The following VEZT variants were observed in gnomAD, a reference collection of about 807,000 sequenced individuals.
VEZT encodes vezatin, adherens junctions transmembrane protein.
A neutral mutation model predicts 79.9 loss-of-function variants in VEZT; 39 were observed. The ratio of observed to expected loss-of-function variants is 0.49; its 90% CI spans 0.38 to 0.64. VEZT has a LOEUF of 0.64. Ranked by LOEUF, VEZT falls within the 30% of genes least tolerant of loss-of-function variation. The pLI is 0.00. For missense variants in VEZT, 837 were observed against 893.1 expected, an observed-to-expected ratio of 0.94 and a Z score of 0.80; for synonymous variants, 325 against 327.6, an observed-to-expected ratio of 0.99 and a Z score of 0.09.
intron 1 of VEZT, among the ~76,000 whole-genome samples, chr12:95,231,141 C>T (rs151105007): frequency 5.7e-4 from 86 of 152,180 alleles, no homozygotes; most frequent in African/African-American, 1.8e-3. Context: ...AGGATTTCAG[C>T]GGAAAATATT....
intron 10 of VEZT, among the ~76,000 whole-genome samples, chr12:95,294,745 G>A (rs2073773318): frequency 6.6e-6 from 1 of 152,010 alleles, no homozygotes; most frequent in African/African-American, 2.4e-5. Context: ...TTTAATGATC[G>A]CATTGGATAT....
chr12:95,252,897 G>A (rs531830688), intron 2 of VEZT, among the ~76,000 whole-genome samples: 18 of 152,292 alleles, frequency 1.2e-4, no homozygotes, highest in South Asian at 4.1e-4. Flanking sequence ...CCTGAGAGGC[G>A]GAGGTGGCAG....
intron 2 of VEZT, 44 bp from the exon 3 acceptor site, chr12:95,257,106 G>A (rs1329597808): frequency 6.8e-7 from 1 of 1,474,548 alleles, no homozygotes; most frequent in Non-Finnish European, 9.2e-7. Flanking sequence ...TGCTGTTTGG[G>A]TATGCTTTTA....
chr12:95,234,445 A>ACCC (rs1307080008), intron 1 of VEZT, among the ~76,000 whole-genome samples: 1 of 150,956 alleles, frequency 6.6e-6, no homozygotes, highest in Non-Finnish European at 1.5e-5. Flanking sequence ...ATGCGCCACC[A>ACCC]CCCCCGGCTA....
intron 6 of VEZT, among the ~76,000 whole-genome samples, chr12:95,272,697 A>G (rs1056867680): frequency 6.6e-6 from 1 of 152,240 alleles, no homozygotes; most frequent in Admixed American, 6.5e-5. Context: ...CATTAAAATA[A>G]CTGTAAGGGG....
chr12:95,228,719 T>C (rs1383952847), intron 1 of VEZT, among the ~76,000 whole-genome samples: 3 of 152,154 alleles, frequency 2.0e-5, no homozygotes, highest in Non-Finnish European at 4.4e-5. Flanking sequence ...TAAGACCAAG[T>C]CTAGCCAGAT....
chr12:95,257,715 C>A (rs113968081), intron 3 of VEZT, among the ~76,000 whole-genome samples: 23 of 152,214 alleles, frequency 1.5e-4, no homozygotes, highest in Middle Eastern at 3.4e-3. Flanking sequence ...AATACAAAAT[C>A]CAGGGAGTAT....
intron 2 of VEZT, 150 bp downstream of exon 2, chr12:95,252,221 A>G (rs2062722057): frequency 5.5e-6 from 4 of 724,660 alleles, no homozygotes; most frequent in Non-Finnish European, 8.1e-6. Context: ...TTAGATAAAC[A>G]TGAATCCTTA....
chr12:95,282,373 C>T lies in VEZT; in HGVS notation c.1057C>T (p.Leu353Phe). The T allele has an allele frequency of 6.2e-7, 1 of 1,613,926 alleles. No individual in the cohort carries two copies. Among genetic ancestry groups the T allele is most frequent in the South Asian group, 1.1e-5 (1 of 91,080 alleles). ...SEFFRRLALL[L>F]STANSPPGPL... ...GTTCTTCAGACGGTTAGCCCTATTA[C>T]TTTCTACAGCCAATTCACCTCCTGG... is the stretch of plus-strand genomic sequence containing the variant. Residue 353 changes from leucine to phenylalanine, a missense_variant, in exon 8 of 12, where the codon CTT becomes TTT. Coordinates refer to ENST00000436874, the MANE Select transcript of VEZT (RefSeq NM_017599.4).
At chr12:95,221,812 G>A (rs2057636139) in intron 1 of VEZT, among the ~76,000 whole-genome samples, 1 of 152,066 alleles carries the variant, frequency 6.6e-6, no homozygotes, top group African/African-American at 2.4e-5. Context: ...TCCAGCCTGG[G>A]TGACAGAGTG....
rs562736001 is a variant in VEZT at position 95,275,416 on chromosome 12, A to G, written c.996+527A>G. ...GGAGTTCGAGACCAGCCTGACCAAC[A>G]TGGTGAAACCCCACCTCTACTAAAA... is the stretch of plus-strand genomic sequence containing the variant. On this transcript the variant is annotated intron_variant, in intron 7 of 11. Transcript: ENST00000436874. Among the ~76,000 whole-genome samples the G allele has an allele frequency of 4.3e-4, 66 of 152,274 alleles. No individual in the cohort carries two copies. The East Asian group carries it at 0.012, about 28-fold the overall frequency.
At chr12:95,269,131 G>A (rs991898861) in intron 5 of VEZT, among the ~76,000 whole-genome samples, 2 of 152,150 alleles carry the variant, frequency 1.3e-5, no homozygotes. Context: ...TTGTGTTATA[G>A]TATAAGCAAT....
At chr12:95,256,614 G>A in intron 2 of VEZT, 2 of 1,289,108 alleles carry the variant, frequency 1.6e-6, no homozygotes, top group Non-Finnish European at 1.0e-6. Flanking sequence ...CAAGGAATGG[G>A]CTATTAAGGT....
chr12:95,280,426 T>C (rs1215965126), intron 7 of VEZT, among the ~76,000 whole-genome samples: 2 of 139,760 alleles, frequency 1.4e-5, no homozygotes, highest in Non-Finnish European at 3.1e-5. Flanking sequence ...CCTTCTCCTC[T>C]CTCCTTCGCG....
At chr12:95,227,080 C>G (rs530098190) in intron 1 of VEZT, among the ~76,000 whole-genome samples, 1 of 152,182 alleles carries the variant, frequency 6.6e-6, no homozygotes, top group African/African-American at 2.4e-5. Flanking sequence ...TTGTTTTACT[C>G]TGTTATCGTC....
At chr12:95,272,896 C>T (rs2066909897) in intron 6 of VEZT, among the ~76,000 whole-genome samples, 1 of 152,134 alleles carries the variant, frequency 6.6e-6, no homozygotes, top group African/African-American at 2.4e-5. Flanking sequence ...CCAAGGCACA[C>T]AGTACCACAC....
At chr12:95,266,115 T>C (rs187147508) in intron 4 of VEZT, among the ~76,000 whole-genome samples, 1 of 152,334 alleles carries the variant, frequency 6.6e-6, no homozygotes, top group East Asian at 1.9e-4. Context: ...ACCTGTTTTC[T>C]TACTTAAATT....
chr12:95,244,580 C>A (rs189774518), intron 1 of VEZT, among the ~76,000 whole-genome samples: 82 of 150,956 alleles, frequency 5.4e-4, no homozygotes, highest in South Asian at 1.9e-3. Context: ...CTTTCCCCAC[C>A]CTCTTGCCTC....
At position 95,282,549 on chromosome 12, in the gene VEZT, G is replaced by A. The variant is rs545229776; in HGVS notation, c.1233G>A (p.Gln411=). ...YFETQHQSVP[Q]CLSKTQQKSR... is the part of the protein sequence containing the mutation. ...AAACTCAGCACCAGTCAGTACCGCA[G>A]TGTTTATCCAAAACTCAACAGAAGT... is the stretch of plus-strand genomic sequence containing the variant. The change falls in exon 8 of 12, where the codon CAG becomes CAA. Residue 411 remains glutamine (Q), a synonymous_variant. Transcript: ENST00000436874. The A allele has an allele frequency of 1.2e-5, 19 of 1,614,004 alleles. No individual in the cohort carries two copies. In the Admixed American group the frequency reaches 3.2e-4, roughly 27 times the overall value.
Sources: allele counts gnomAD v4.1 joint callset (sites outside exome capture counted in the v4.1 genomes callset), GRCh38; gene constraint gnomAD v4.1.1; transcripts MANE v1.5; gene names NCBI Gene and HGNC (gene_info 2026-07-23, HGNC 2026-07-21).